Variants in SP140 observed in about 807,000 individuals in gnomAD.
SP140 encodes SP140 nuclear body protein.
Under a neutral mutation model 125.0 loss-of-function variants are expected in SP140, and 81 were observed. The ratio of observed to expected loss-of-function variants is 0.65; its 90% CI spans 0.54 to 0.78. SP140 has a LOEUF of 0.78. SP140 is among the 30% of genes least tolerant of loss of function. SP140 has a pLI of 0.00. For missense variants in SP140, 858 were observed against 1,037.0 expected (o/e 0.83, Z 2.37); for synonymous variants, 312 against 354.0 (o/e 0.88, Z 1.33).
At chr2:230,292,842 A>T (rs1261206085) in intron 20 of SP140, 54 bp downstream of exon 20, 1 of 1,608,450 alleles carries the variant, frequency 6.2e-7, no homozygotes, top group Non-Finnish European at 8.5e-7. Flanking sequence ...CCTAATAATG[A>T]GGAGACTGTT....
At chr2:230,238,783 C>T (rs755023570) in intron 3 of SP140, 4 of 1,552,572 alleles carry the variant, frequency 2.6e-6, no homozygotes, top group Non-Finnish European at 3.5e-6. Flanking sequence ...CCAGTGCAGT[C>T]CTGTGTCAAC....
intron 13 of SP140, 31 bp from the exon 14 acceptor site, chr2:230,269,806 A>G (rs1442844310): frequency 6.5e-7 from 1 of 1,544,344 alleles, no homozygotes; most frequent in East Asian, 2.2e-5. Flanking sequence ...GGTCAAACTG[A>G]AAGTCTTCAT....
chr2:230,267,759 C>T (rs925791287), intron 12 of SP140, among the ~76,000 whole-genome samples: 4 of 152,142 alleles, frequency 2.6e-5, no homozygotes, highest in African/African-American at 9.7e-5. Context: ...GTGTGTTCCA[C>T]ATGAATGAAG....
chr2:230,280,339 T>C (rs1446917786), intron 15 of SP140, among the ~76,000 whole-genome samples: 1 of 152,216 alleles, frequency 6.6e-6, no homozygotes, highest in Non-Finnish European at 1.5e-5. Flanking sequence ...ACTTTTATGA[T>C]TTTTTAAAAA....
rs1477509388 is a variant in SP140, at chr2:230,211,685, G to T, written c.-322-1969G>T. The T allele has an allele frequency of 2.9e-6, 2 of 692,066 alleles. No homozygotes were observed. The highest frequency in any genetic ancestry group is 1.8e-5 in the African/African-American group (1 of 56,668). The allele number at this position is 692,066 out of a possible 1,614,324, so 42.9% of individuals were successfully genotyped here. On this transcript the variant is annotated intron_variant, in intron 1 of 4. Transcript: ENST00000456542. This position sits in a 1 kb window ranked among gnomAD's most constrained non-coding sequence, Gnocchi z 4.2. Reference sequence around the variant, plus strand: ...AGCAACCAAGGCCTGGGAAAGGATGGCATAGAGTGGGAAAGTAAGCAACCA... The same window carrying T: ...AGCAACCAAGGCCTGGGAAAGGATGTCATAGAGTGGGAAAGTAAGCAACCA...
intron 15 of SP140, among the ~76,000 whole-genome samples, chr2:230,282,592 T>C (rs1310772482): frequency 6.6e-6 from 1 of 151,658 alleles, no homozygotes. Flanking sequence ...AGGTCAGGAG[T>C]TCAAAAACCA....
Position 230,310,119 on chromosome 2 carries a change from G to A in SP140, c.2174+80G>A, listed in dbSNP as rs183091548. Reference sequence around the variant, plus strand: ...CATGCGCACTCTCCAGCAGAGTGCCGGCTTGTGTCTAGATGGGGAAAGAGC... The same window carrying A: ...CATGCGCACTCTCCAGCAGAGTGCCAGCTTGTGTCTAGATGGGGAAAGAGC... On this transcript the variant is annotated intron_variant, in intron 23 of 26. Coordinates refer to ENST00000392045, the MANE Select transcript of SP140 (RefSeq NM_007237.5). 276 of 1,372,796 alleles carry A rather than the reference G, an allele frequency of 2.0e-4. No individual in the cohort carries two copies. The African/African-American group carries it at 3.6e-3, about 18-fold the overall frequency. The allele number at this position is 1,372,796 out of a possible 1,614,324, so 85.0% of individuals were successfully genotyped here. A position where few individuals can be genotyped will look rare whatever the true frequency, so the allele number is the denominator to read the frequency against.
intron 17 of SP140, among the ~76,000 whole-genome samples, chr2:230,286,415 C>A (rs1350853264): frequency 6.6e-6 from 1 of 152,202 alleles, no homozygotes; most frequent in Non-Finnish European, 1.5e-5. Context: ...GCCCTACCCC[C>A]ACTCCATAGC....
intron 3 of SP140, among the ~76,000 whole-genome samples, chr2:230,214,407 T>A (rs2044862545): frequency 6.6e-6 from 1 of 152,222 alleles, no homozygotes. Context: ...GTAGGACTCT[T>A]GCTCTGCTTC....
At chr2:230,239,548 G>A (rs1270295826) in intron 3 of SP140, among the ~76,000 whole-genome samples, 1 of 152,204 alleles carries the variant, frequency 6.6e-6, no homozygotes, top group African/African-American at 2.4e-5. Flanking sequence ...CTGGGTTCAA[G>A]TGATTTTCCT....
At chr2:230,212,469 T>C (rs367761551) in intron 1 of SP140, 2 of 1,459,574 alleles carry the variant, frequency 1.4e-6, no homozygotes, top group African/African-American at 2.8e-5. Context: ...TTGCAGGGAC[T>C]GGATGTCAGG....
chr2:230,186,273 A>G, the SP140 span: 1 of 856,828 alleles, frequency 1.2e-6, no homozygotes, highest in African/African-American at 1.7e-5. Flanking sequence ...TCTTCCCCCC[A>G]GACTCATAAT....
At chr2:230,212,520 A>T in intron 1 of SP140, 1 of 1,147,982 alleles carries the variant, frequency 8.7e-7, no homozygotes, top group Non-Finnish European at 1.3e-6. Context: ...CAGATAGAGC[A>T]TCAAGGCACA....
intron 1 of SP140, among the ~76,000 whole-genome samples, chr2:230,228,811 A>C (rs981881604): frequency 6.6e-6 from 1 of 152,124 alleles, no homozygotes; most frequent in African/African-American, 2.4e-5. Context: ...TATAGACAAC[A>C]TATAGTCGGG....
chr2:230,259,540 G>A lies in SP140; in HGVS notation c.1240+4008G>A, dbSNP rs554464761. Among the ~76,000 whole-genome samples the A allele has an allele frequency of 2.0e-5, 3 of 151,472 alleles. No individual in the cohort carries two copies. In the South Asian group the frequency reaches 6.3e-4, roughly 32 times the overall value. On this transcript the variant is annotated intron_variant, in intron 12 of 26. Transcript: ENST00000392045. ...TAAAAAAAAAAAAATACAAAAATTA[G>A]TCAGGCATGGTAGTGTGTGCCTGTA...
chr2:230,210,316 G>T (rs1205059664), intron 1 of SP140, among the ~76,000 whole-genome samples: 2 of 152,206 alleles, frequency 1.3e-5, no homozygotes, highest in Admixed American at 1.3e-4. Context: ...GGAAATTGCA[G>T]GAATAAACTG....
intron 21 of SP140, among the ~76,000 whole-genome samples, chr2:230,295,379 C>T (rs528387692): frequency 1.6e-4 from 25 of 152,266 alleles, no homozygotes; most frequent in Admixed American, 6.5e-4. Context: ...CTGGGTTTCC[C>T]GAAGGGAAAC....
upstream of SP140, among the ~76,000 whole-genome samples, chr2:230,222,840 G>GTTTTTT (rs35018428): frequency 2.3e-5 from 3 of 128,940 alleles, no homozygotes; most frequent in Non-Finnish European, 3.3e-5. Context: ...GTGTATTAAA[G>GTTTTTT]TTTTTTTTTT....
At chr2:230,240,433 C>A (rs2048562635) in intron 3 of SP140, among the ~76,000 whole-genome samples, 1 of 152,100 alleles carries the variant, frequency 6.6e-6, no homozygotes, top group African/African-American at 2.4e-5. Context: ...AAGGATTGTA[C>A]TCACAAAATA....
Sources: allele counts gnomAD v4.1 joint callset (sites outside exome capture counted in the v4.1 genomes callset), GRCh38; gene constraint gnomAD v4.1.1; non-coding constraint Gnocchi (gnomAD v3.1); transcripts MANE v1.5; gene names NCBI Gene and HGNC (gene_info 2026-07-23, HGNC 2026-07-21).